The following RIMBP2 variants were observed in gnomAD, a reference collection of about 807,000 sequenced individuals.
RIMBP2 encodes RIMS binding protein 2.
RIMBP2 carries 48 observed loss-of-function variants against 118.6 expected under a neutral mutation model. The ratio of observed to expected loss-of-function variants is 0.40; its 90% confidence interval spans 0.32 to 0.51. The LOEUF is 0.51. Ranked by LOEUF, RIMBP2 falls within the 20% of genes least tolerant of loss-of-function variation. RIMBP2 has a pLI of 0.41. For missense variants in RIMBP2, 1,551 were observed against 1,768.3 expected (o/e 0.88, Z 2.20); for synonymous variants, 762 against 742.9 (o/e 1.03, Z -0.42).
intron 2 of RIMBP2, among the ~76,000 whole-genome samples, chr12:130,611,777 A>C (rs574357990): frequency 3.7e-4 from 57 of 152,272 alleles, no homozygotes; most frequent in Non-Finnish European, 6.9e-4. Context: ...AGGCCCGGCA[A>C]GCAGGACACG....
chr12:130,461,759 G>A (rs1047800367), intron 6 of RIMBP2, among the ~76,000 whole-genome samples: 3 of 152,060 alleles, frequency 2.0e-5, no homozygotes, highest in Non-Finnish European at 4.4e-5. Context: ...CACACGACAC[G>A]CCTGATCCCC....
chr12:130,608,098 A>G (rs1594017909), intron 2 of RIMBP2, among the ~76,000 whole-genome samples: 1 of 152,192 alleles, frequency 6.6e-6, no homozygotes, highest in South Asian at 2.1e-4. Context: ...CTTCCAGTCA[A>G]CCTTCCATGT....
At chr12:130,693,905 A>G (rs2065451024) in intron 1 of RIMBP2, among the ~76,000 whole-genome samples, 1 of 152,080 alleles carries the variant, frequency 6.6e-6, no homozygotes, top group Non-Finnish European at 1.5e-5. Flanking sequence ...AGCTGTCTTG[A>G]GAGTATTAAG....
intron 9 of RIMBP2, among the ~76,000 whole-genome samples, chr12:130,449,729 G>A (rs879649483): frequency 2.0e-5 from 3 of 152,090 alleles, no homozygotes; most frequent in Non-Finnish European, 4.4e-5. Flanking sequence ...TCCAATCCAG[G>A]GAAGGGTATC....
At chr12:130,674,238 G>A (rs549753967) in intron 1 of RIMBP2, among the ~76,000 whole-genome samples, 4 of 152,252 alleles carry the variant, frequency 2.6e-5, no homozygotes, top group African/African-American at 9.6e-5. Context: ...TGTAAGACAT[G>A]CCTGCGTCCC....
Position 130,688,775 on chromosome 12 carries a change from C to T in RIMBP2, c.-352+27447G>A, listed in dbSNP as rs1594205835. Among the ~76,000 whole-genome samples, 1 of 152,242 alleles carries T rather than the reference C, an allele frequency of 6.6e-6. No homozygotes were observed. The highest frequency in any genetic ancestry group is 2.4e-5 in the African/African-American group (1 of 41,472). Reference sequence around the variant, plus strand: ...TCATACAGAGACACAGAACCACCTCCACCACCACTGTCTCCTCCGGCCCCC... The same window carrying T: ...TCATACAGAGACACAGAACCACCTCTACCACCACTGTCTCCTCCGGCCCCC... On this transcript the variant is annotated intron_variant, in intron 1 of 22. Transcript: ENST00000690449. This position sits in a 1 kb window ranked among gnomAD's most constrained non-coding sequence, Gnocchi z 4.7.
intron 15 of RIMBP2, chr12:130,426,435 A>C (rs1374514622): frequency 1.3e-5 from 2 of 152,262 alleles, no homozygotes; most frequent in Admixed American, 1.3e-4. Flanking sequence ...GCGTGCCACC[A>C]CGCCCAGCTA....
At chr12:130,531,677 C>T (rs548216335) in intron 2 of RIMBP2, among the ~76,000 whole-genome samples, 45 of 152,320 alleles carry the variant, frequency 3.0e-4, no homozygotes, top group African/African-American at 9.6e-4. Context: ...CTCATAATTA[C>T]TCACCTAGGA....
At chr12:130,489,608 C>G (rs1241350513) in intron 4 of RIMBP2, among the ~76,000 whole-genome samples, 1 of 152,174 alleles carries the variant, frequency 6.6e-6, no homozygotes, top group African/African-American at 2.4e-5. Context: ...GGTCTCTGCT[C>G]CTGACTCTGA....
chr12:130,569,585 A>G (rs1025790388), intron 2 of RIMBP2, among the ~76,000 whole-genome samples: 1 of 152,192 alleles, frequency 6.6e-6, no homozygotes, highest in African/African-American at 2.4e-5. Flanking sequence ...GCCTGGTGGG[A>G]AGTGATTGGA....
intron 2 of RIMBP2, among the ~76,000 whole-genome samples, chr12:130,564,029 TC>T: frequency 6.7e-6 from 1 of 149,284 alleles, no homozygotes; most frequent in Non-Finnish European, 1.5e-5. Context: ...AGTCAGGCAG[TC>T]CCAGTCCCAG....
At position 130,506,917 on chromosome 12, in the gene RIMBP2, C is replaced by G. The variant is rs372893575; in HGVS notation, c.-126-147G>C. On this transcript the variant is annotated intron_variant, in intron 3 of 22. Transcript: ENST00000690449. The stretch of plus-strand genomic sequence containing the variant: ...TTCTCCATCATGGACTGGGTCCACT[C>G]CTACTAGGGGTCACTACACATGACC... 12 of 544,390 alleles carry G rather than the reference C, an allele frequency of 2.2e-5. No homozygotes were observed. The South Asian group carries it at 8.7e-4, about 39-fold the overall frequency. 33.7% of individuals were successfully genotyped at this position (544,390 alleles called of 1,614,324 possible). A position where few individuals can be genotyped will look rare whatever the true frequency, so the allele number is the denominator to read the frequency against.
rs1295660046 is a variant in RIMBP2 at position 130,475,135 on chromosome 12, G to A, written c.102+3777C>T. On this transcript the variant is annotated intron_variant, in intron 5 of 22. Coordinates refer to ENST00000690449, the MANE Select transcript of RIMBP2 (RefSeq NM_001393629.1). The surrounding 1 kb of genome is among the most constrained non-coding windows in gnomAD (Gnocchi z 4.1). ...GCTGCAGCATGAGCTCATTGTCCCTGGATTCCGGGAGGAGAGCCCTGGGCA... is the reference window on the plus strand; with the variant it reads ...GCTGCAGCATGAGCTCATTGTCCCTAGATTCCGGGAGGAGAGCCCTGGGCA... 6.6e-6 allele frequency among the ~76,000 whole-genome samples: 1 copy of A among 152,208 alleles called. No homozygotes were observed. The highest frequency in any genetic ancestry group is 1.5e-5 in the Non-Finnish European group (1 of 68,040).
chr12:130,539,010 C>CGAT (rs1478290675), intron 2 of RIMBP2, among the ~76,000 whole-genome samples: 1 of 152,146 alleles, frequency 6.6e-6, no homozygotes, highest in East Asian at 1.9e-4. Flanking sequence ...CTGGGGCTGT[C>CGAT]GATGATCTTC....
At chr12:130,408,985 G>T (rs185841933) in intron 19 of RIMBP2, among the ~76,000 whole-genome samples, 232 of 149,526 alleles carry the variant, frequency 1.6e-3, no homozygotes, top group African/African-American at 5.3e-3. Context: ...GTGCACATGT[G>T]TCCTCTGCAG....
rs544902614 is a variant in RIMBP2 at position 130,622,102 on chromosome 12, C to T, written c.-217+6220G>A. Among the ~76,000 whole-genome samples the T allele has an allele frequency of 5.2e-4, 79 of 152,292 alleles. No homozygotes were observed. Among genetic ancestry groups the T allele is most frequent in the Middle Eastern group, 6.8e-3 (2 of 294 alleles). Reference sequence around the variant, plus strand: ...AAGAGCCATTTTAACTAGACATTTCCGCACAAATAAAATTAGGCCGAGACA... The same window carrying T: ...AAGAGCCATTTTAACTAGACATTTCTGCACAAATAAAATTAGGCCGAGACA... On this transcript the variant is annotated intron_variant, in intron 2 of 22. Transcript: ENST00000690449. The surrounding 1 kb of genome is among the most constrained non-coding windows in gnomAD (Gnocchi z 8.5).
At chr12:130,484,878 G>A (rs1028728887) in intron 4 of RIMBP2, among the ~76,000 whole-genome samples, 2 of 152,230 alleles carry the variant, frequency 1.3e-5, no homozygotes, top group African/African-American at 4.8e-5. Context: ...TAACCTCTCT[G>A]TTCTCCATGT....
chr12:130,650,950 G>GT (rs60984430), intron 1 of RIMBP2, among the ~76,000 whole-genome samples: 30,727 of 126,072 alleles, frequency 0.24, 4,109 homozygotes, highest in East Asian at 0.54. Flanking sequence ...ACACAGCCTT[G>GT]TTTTTTTTAA....
intron 20 of RIMBP2, among the ~76,000 whole-genome samples, chr12:130,407,455 A>G (rs2075283805): frequency 6.6e-6 from 1 of 152,172 alleles, no homozygotes; most frequent in South Asian, 2.1e-4. Flanking sequence ...TTAGATGTGG[A>G]TGACAGATTG....
Sources: allele counts gnomAD v4.1 joint callset (sites outside exome capture counted in the v4.1 genomes callset), GRCh38; gene constraint gnomAD v4.1.1; non-coding constraint Gnocchi (gnomAD v3.1); transcripts MANE v1.5; gene names NCBI Gene and HGNC (gene_info 2026-07-23, HGNC 2026-07-21).